The following PRSS54 variants were observed in gnomAD, a reference collection of about 807,000 sequenced individuals.
The protein encoded by PRSS54 is serine protease 54.
Under a neutral mutation model 19.9 loss-of-function variants are expected in PRSS54, and 16 were observed. That is an observed-to-expected ratio of 0.80 (90% CI 0.54 to 1.22). PRSS54 has a LOEUF of 1.22. Ranked by LOEUF, PRSS54 falls within the 50% of genes most tolerant of loss-of-function variation. The pLI is 0.00. For synonymous variants in PRSS54, 177 were observed against 195.8 expected (o/e 0.90, Z 0.80); for missense variants, 444 against 494.8 (o/e 0.90, Z 0.97).
At chr16:58,282,445 C>G (rs1295352537) in intron 6 of PRSS54, 3 of 152,294 alleles carry the variant, frequency 2.0e-5, no homozygotes, top group Non-Finnish European at 4.4e-5. Context: ...GGGGTATTCT[C>G]TTTCAATAAA....
intron 3 of PRSS54, among the ~76,000 whole-genome samples, chr16:58,293,107 G>A (rs192541397): frequency 1.3e-5 from 2 of 151,596 alleles, no homozygotes; most frequent in East Asian, 3.9e-4. Context: ...GTGCGTGTGT[G>A]TATGTGAGGG....
At position 58,286,169 on chromosome 16, in the gene PRSS54, A is replaced by G. The variant is rs759243946; in HGVS notation, c.290T>C (p.Ile97Thr). Reference protein sequence around the residue: ...NRKDIVVIVGISNMDPSKIAH... With the variant: ...NRKDIVVIVGTSNMDPSKIAH... ...AATCTTGCTAGGATCCATGTTACTT[A>G]TACCCACTATAACGACAATGTCCTT... Residue 97 changes from isoleucine (I) to threonine (T), a missense_variant, in exon 5 of 7, where the codon ATA becomes ACA. Coordinates refer to ENST00000567164, the MANE Select transcript of PRSS54 (RefSeq NM_001305173.2). 7 of 1,614,086 alleles carry G rather than the reference A, an allele frequency of 4.3e-6. No homozygotes were observed. The Admixed American group carries it at 1.2e-4, about 27-fold the overall frequency.
At chr16:58,288,358 G>A (rs894276233) in intron 4 of PRSS54, among the ~76,000 whole-genome samples, 4 of 152,140 alleles carry the variant, frequency 2.6e-5, no homozygotes, top group African/African-American at 7.2e-5. Context: ...TCCAGGAGAC[G>A]GAGATTGCAG....
chr16:58,284,356 T>G, intron 6 of PRSS54: 1 of 459,442 alleles, frequency 2.2e-6, no homozygotes, highest in Non-Finnish European at 4.0e-6. Context: ...AAAGCACCTG[T>G]GACTTAGACA....
At chr16:58,284,871 G>A (rs1964876510) in intron 5 of PRSS54, 150 bp from the exon 6 acceptor site, 1 of 803,416 alleles carries the variant, frequency 1.2e-6, no homozygotes, top group South Asian at 1.8e-5. Context: ...CTGGAGTACA[G>A]TGGTGTGATC....
At chr16:58,290,853 C>T in intron 4 of PRSS54, 106 bp downstream of exon 4, 1 of 1,254,472 alleles carries the variant, frequency 8.0e-7, no homozygotes. Context: ...AAGCCCTGTC[C>T]CCCCAGAATG....
chr16:58,285,954 ATCC>A lies in PRSS54; in HGVS notation c.502_504del (p.Gly168del). The stretch of plus-strand genomic sequence containing the variant: ...GCCTTAACTGCAGATGTGGGATTCC[ATCC>A]TGACACCCAGCAGTTCTGCAAGACT... On this transcript the variant is annotated inframe_deletion, in exon 5 of 7. Transcript: ENST00000567164. The A allele has an allele frequency of 6.2e-7, 1 of 1,614,170 alleles. No individual in the cohort carries two copies. Among genetic ancestry groups the A allele is most frequent in the Non-Finnish European group, 8.5e-7 (1 of 1,180,020 alleles).
At position 58,291,124 on chromosome 16, in the gene PRSS54, T is replaced by C. The variant is rs773815313; in HGVS notation, c.98A>G (p.Gln33Arg). The C allele has an allele frequency of 1.2e-5, 20 of 1,613,978 alleles. No homozygotes were observed. Among genetic ancestry groups the C allele is most frequent in the Non-Finnish European group, 1.7e-5 (20 of 1,179,998 alleles). ...LLYSSTSCGV[Q>R]KASVFYGPDP... ...AGGACCGTAGAAAACGGAAGCTTTC[T>C]GGACGCCACAACCTGCGGAGCAGGT... Residue 33 changes from glutamine (Q) to arginine (R), a missense_variant, in exon 4 of 7, where the codon CAG becomes CGG. By Grantham distance (43) the Gln-to-Arg change is conservative. Coordinates refer to ENST00000567164, the MANE Select transcript of PRSS54 (RefSeq NM_001305173.2).
chr16:58,286,385 T>A (rs924639008), intron 4 of PRSS54, among the ~76,000 whole-genome samples, 190 bp from the exon 5 acceptor site: 6 of 152,242 alleles, frequency 3.9e-5, no homozygotes, highest in Non-Finnish European at 8.8e-5. Flanking sequence ...TTGTGCCCTC[T>A]TTTGTGAGCC....
Position 58,284,657 on chromosome 16 carries a change from G to T in PRSS54, c.587C>A (p.Pro196His). ...KIFVKDLDMC[P>H]LYKLQKTECG... ...TTCTGTCTTCTGGAGTTTGTATAGG[G>T]GACACATGTCAAGATCTTTCACGAA... Residue 196 changes from proline (P) to histidine (H), a missense_variant, in exon 6 of 7, where the codon CCC (proline) becomes CAC (histidine). Coordinates refer to ENST00000567164, the MANE Select transcript of PRSS54 (RefSeq NM_001305173.2). 1 of 1,613,968 alleles carries T rather than the reference G, an allele frequency of 6.2e-7. No individual in the cohort carries two copies. Among genetic ancestry groups the T allele is most frequent in the Non-Finnish European group, 8.5e-7 (1 of 1,179,958 alleles).
chr16:58,291,319 G>T (rs542114217), intron 3 of PRSS54, among the ~76,000 whole-genome samples, 183 bp from the exon 4 acceptor site: 1 of 152,226 alleles, frequency 6.6e-6, no homozygotes, highest in Non-Finnish European at 1.5e-5. Flanking sequence ...AATTATGTTA[G>T]ACTACAAATA....
At chr16:58,293,075 G>A (rs112753688) in intron 3 of PRSS54, among the ~76,000 whole-genome samples, 6 of 152,018 alleles carry the variant, frequency 3.9e-5, no homozygotes, top group African/African-American at 1.4e-4. Flanking sequence ...GTGTGTGCAT[G>A]TGTGTGTTTG....
intron 6 of PRSS54, 131 bp downstream of exon 6, chr16:58,284,459 C>A (rs946375779): frequency 1.0e-5 from 10 of 1,000,256 alleles, no homozygotes; most frequent in Non-Finnish European, 1.5e-5. Context: ...CTATTCACTC[C>A]AGAGACAGCC....
intron 4 of PRSS54, among the ~76,000 whole-genome samples, chr16:58,289,732 C>T (rs1190368567): frequency 6.6e-6 from 1 of 151,886 alleles, no homozygotes; most frequent in African/African-American, 2.4e-5. Context: ...CCACTATGCC[C>T]CGGTAATTTT....
intron 6 of PRSS54, 190 bp downstream of exon 6, chr16:58,284,400 G>C (rs1314903419): frequency 1.8e-6 from 1 of 568,080 alleles, no homozygotes; most frequent in African/African-American, 1.9e-5. Context: ...ATCGTGACTG[G>C]TTAGTTCATT....
intron 5 of PRSS54, 144 bp from the exon 6 acceptor site, chr16:58,284,865 A>G (rs1183714260): frequency 3.6e-6 from 3 of 837,358 alleles, no homozygotes; most frequent in East Asian, 5.6e-5. Context: ...CGCAGGCTGG[A>G]GTACAGTGGT....
intron 5 of PRSS54, 96 bp from the exon 6 acceptor site, chr16:58,284,817 A>ATTTTT (rs11313996): frequency 1.5e-4 from 169 of 1,103,632 alleles, no homozygotes; most frequent in East Asian, 2.2e-4. Flanking sequence ...GAGAGTGAGA[A>ATTTTT]TTTTTTTTTT....
rs755767968 is a variant in PRSS54 at position 58,284,642 on chromosome 16, TGGAGTTTGTATAGG to T, written c.588_601del (p.Leu197GlufsTer45). ...CGTGTGGCTGCCGCATTCTGTCTTC[TGGAGTTTGTATAGG>T]GGACACATGTCAAGATCTTTCACGA... On this transcript the variant is annotated frameshift_variant, in exon 6 of 7. Coordinates refer to ENST00000567164, the MANE Select transcript of PRSS54 (RefSeq NM_001305173.2). 2 of 1,614,104 alleles carry T rather than the reference TGGAGTTTGTATAGG, an allele frequency of 1.2e-6. No homozygotes were observed. The highest frequency in any genetic ancestry group is 1.7e-6 in the Non-Finnish European group (2 of 1,179,964).
At chr16:58,288,068 C>T (rs1034165775) in intron 4 of PRSS54, among the ~76,000 whole-genome samples, 4 of 152,154 alleles carry the variant, frequency 2.6e-5, no homozygotes, top group African/African-American at 9.7e-5. Flanking sequence ...AAATAGATCA[C>T]CACGTGGTAT....
Sources: allele counts gnomAD v4.1 joint callset (sites outside exome capture counted in the v4.1 genomes callset), GRCh38; gene constraint gnomAD v4.1.1; transcripts MANE v1.5; gene names NCBI Gene and HGNC (gene_info 2026-07-23, HGNC 2026-07-21).